KIAA1958: variants seen among roughly 807,000 people sequenced by gnomAD.
KIAA1958 encodes the protein KIAA1958, also known as uncharacterized protein KIAA1958.
A neutral mutation model predicts 47.2 loss-of-function variants in KIAA1958; 14 were observed. The ratio of observed to expected loss-of-function variants is 0.30; its 90% CI spans 0.20 to 0.46. The LOEUF is 0.46. KIAA1958 is among the 20% of genes least tolerant of loss of function. The pLI is 1.00. For missense variants in KIAA1958, 803 were observed against 909.2 expected (o/e 0.88, Z 1.50); for synonymous variants, 354 against 353.3 (o/e 1.00, Z -0.02).
chr9:112,515,711 A>G (rs1198536980), intron 1 of KIAA1958, among the ~76,000 whole-genome samples: 1 of 80,208 alleles, frequency 1.2e-5, no homozygotes, highest in Admixed American at 1.4e-4. Context: ...GTCATCACCA[A>G]TCCCTAATCT....
At chr9:112,603,253 G>A (rs1836166154) in intron 2 of KIAA1958, among the ~76,000 whole-genome samples, 1 of 152,006 alleles carries the variant, frequency 6.6e-6, no homozygotes, top group African/African-American at 2.4e-5. Flanking sequence ...TTGGCATTTG[G>A]AGGTTTTTGC....
chr9:112,587,302 A>G (rs1233574596), intron 2 of KIAA1958, among the ~76,000 whole-genome samples: 1 of 152,136 alleles, frequency 6.6e-6, no homozygotes, highest in African/African-American at 2.4e-5. Flanking sequence ...GGCATGCGCC[A>G]CAATGCCTGG....
rs1165150884 is a variant in KIAA1958 at position 112,567,602 on chromosome 9, A to G, written c.-24-6455A>G. ...CCAGAAAGAAACAACCACGAGCACC[A>G]TACTCCCGAATAAAAATCCCTAAAG... On this transcript the variant is annotated intron_variant, in intron 1 of 3. Transcript: ENST00000337530. 2.0e-5 allele frequency among the ~76,000 whole-genome samples: 3 copies of G among 152,180 alleles called. No individual in the cohort carries two copies. The East Asian group carries it at 5.8e-4, about 29-fold the overall frequency.
Position 112,618,977 on chromosome 9 carries a change from A to G in KIAA1958, c.1172-26673A>G, listed in dbSNP as rs1836453245. 2.5e-5 allele frequency: 36 copies of G among 1,453,832 alleles called. No homozygotes were observed. The highest frequency in any genetic ancestry group is 2.8e-5 in the Non-Finnish European group (31 of 1,097,246). 90.1% of individuals were successfully genotyped at this position (1,453,832 alleles called of 1,614,324 possible). On this transcript the variant is annotated intron_variant, in intron 2 of 3. Coordinates refer to ENST00000337530, the MANE Select transcript of KIAA1958 (RefSeq NM_133465.4). This position sits in a 1 kb window ranked among gnomAD's most constrained non-coding sequence, Gnocchi z 7.1. ...GTGTCCGGAGAAACTGTGATTATACACCGCTTCTCGTTCCCCTTCCTGTGC... is the reference window on the plus strand; with the variant it reads ...GTGTCCGGAGAAACTGTGATTATACGCCGCTTCTCGTTCCCCTTCCTGTGC...
chr9:112,599,130 C>T (rs1465216946), intron 2 of KIAA1958, among the ~76,000 whole-genome samples: 2 of 152,160 alleles, frequency 1.3e-5, no homozygotes, highest in Non-Finnish European at 2.9e-5. Context: ...CTATGCATCA[C>T]AGTACTTCCA....
intron 1 of KIAA1958, among the ~76,000 whole-genome samples, chr9:112,548,734 T>C (rs893389855): frequency 3.3e-5 from 5 of 152,248 alleles, no homozygotes; most frequent in African/African-American, 4.8e-5. Context: ...AATTTCAGCA[T>C]CTTGTTTTTC....
At position 112,661,275 on chromosome 9, in the gene KIAA1958, C is replaced by A. The variant is rs1428663968; in HGVS notation, c.*1206C>A. 6.6e-6 allele frequency: 1 copy of A among 152,194 alleles called. No homozygotes were observed. The highest frequency in any genetic ancestry group is 6.5e-5 in the Admixed American group (1 of 15,280). 9.4% of individuals were successfully genotyped at this position (152,194 alleles called of 1,614,324 possible). ...TAGGTAATGCAGTTTGAAACCATTT[C>A]ACTCAGGTAAAATGCAACCTGACCA... is the stretch of plus-strand genomic sequence containing the variant. On this transcript the variant is annotated 3_prime_UTR_variant, in exon 4 of 4. Transcript: ENST00000337530.
intron 2 of KIAA1958, among the ~76,000 whole-genome samples, chr9:112,641,138 A>G (rs2131239103): frequency 6.6e-6 from 1 of 152,030 alleles, no homozygotes; most frequent in South Asian, 2.1e-4. Context: ...CCTTTGTTCT[A>G]TCCATTTTTC....
chr9:112,498,656 C>T (rs1286555945), intron 1 of KIAA1958, among the ~76,000 whole-genome samples: 5 of 152,114 alleles, frequency 3.3e-5, no homozygotes, highest in East Asian at 1.9e-4. Flanking sequence ...AATGATTCTA[C>T]GTGTTTTTGG....
intron 2 of KIAA1958, among the ~76,000 whole-genome samples, chr9:112,620,066 A>G (rs758820552): frequency 2.0e-5 from 3 of 152,228 alleles, no homozygotes; most frequent in Non-Finnish European, 2.9e-5. Flanking sequence ...AGATTTTTCT[A>G]TAGTAAATAT....
chr9:112,518,056 A>T (rs148300312), intron 1 of KIAA1958, among the ~76,000 whole-genome samples: 5 of 152,320 alleles, frequency 3.3e-5, no homozygotes, highest in Non-Finnish European at 7.3e-5. Flanking sequence ...GTGTTTGCCC[A>T]ATAGAAAGGA....
intron 1 of KIAA1958, among the ~76,000 whole-genome samples, chr9:112,523,433 A>G (rs1488652122): frequency 7.8e-6 from 1 of 128,078 alleles, no homozygotes; most frequent in Admixed American, 8.7e-5. Flanking sequence ...CCTGAGTGAC[A>G]AAGTGTCTTA....
intron 1 of KIAA1958, among the ~76,000 whole-genome samples, chr9:112,508,271 A>G (rs745366012): frequency 6.6e-6 from 1 of 152,218 alleles, no homozygotes; most frequent in Non-Finnish European, 1.5e-5. Context: ...TTGCTTTTTC[A>G]GATAAATACA....
Position 112,665,541 on chromosome 9 carries a change from C to T in KIAA1958, c.*5472C>T, listed in dbSNP as rs148331384. On this transcript the variant is annotated 3_prime_UTR_variant, in exon 4 of 4. Transcript: ENST00000337530. ...CTCAGTCCATGAGACAAAACTGCCT[C>T]CTGGAGGCCATGGAAGTCCATTAAC... 44 of 152,286 alleles carry T rather than the reference C, an allele frequency of 2.9e-4. No individual in the cohort carries two copies. Among genetic ancestry groups the T allele is most frequent in the African/African-American group, 1.1e-3 (44 of 41,556 alleles). The allele number at this position is 152,286 out of a possible 1,614,324, so 9.4% of individuals were successfully genotyped here.
chr9:112,640,196 G>A (rs1441143780), intron 2 of KIAA1958, among the ~76,000 whole-genome samples: 3 of 152,180 alleles, frequency 2.0e-5, no homozygotes, highest in East Asian at 1.9e-4. Flanking sequence ...TAGCCAGCAC[G>A]TAAGGTGGGT....
chr9:112,564,359 A>G (rs1588019757), intron 1 of KIAA1958, among the ~76,000 whole-genome samples: 1 of 152,188 alleles, frequency 6.6e-6, no homozygotes. Context: ...GTCATGCATC[A>G]GCAGTAGAGA....
At chr9:112,571,002 G>A (rs1835523892) in intron 1 of KIAA1958, among the ~76,000 whole-genome samples, 2 of 152,164 alleles carry the variant, frequency 1.3e-5, no homozygotes, top group African/African-American at 4.8e-5. Flanking sequence ...CGAAAAAGAA[G>A]CCTATGCTAG....
intron 1 of KIAA1958, among the ~76,000 whole-genome samples, chr9:112,541,235 G>C (rs965800077): frequency 2.0e-5 from 3 of 151,736 alleles, no homozygotes; most frequent in Admixed American, 6.6e-5. Context: ...TGGCAGTCTT[G>C]TTTCAGTTTC....
intron 2 of KIAA1958, among the ~76,000 whole-genome samples, chr9:112,625,909 C>T (rs984069923): frequency 6.6e-5 from 10 of 152,170 alleles, no homozygotes; most frequent in South Asian, 2.1e-4. Flanking sequence ...TCAAGAATAT[C>T]AATTCTAGTT....
Sources: gnomAD v4.1 joint callset for allele counts (sites outside exome capture counted in the v4.1 genomes callset) on GRCh38, gnomAD v4.1.1 for gene constraint, Gnocchi (gnomAD v3.1) non-coding constraint, MANE v1.5 for transcripts, NCBI Gene and HGNC (gene_info 2026-07-23, HGNC 2026-07-21) for gene names.